SLC35F4: variants seen among roughly 807,000 people sequenced by gnomAD.
The protein encoded by SLC35F4 is solute carrier family 35 member F4.
SLC35F4 carries 24 observed loss-of-function variants against 44.2 expected under a neutral mutation model. That is an observed-to-expected ratio of 0.54 (90% CI 0.39 to 0.76). SLC35F4 has a LOEUF of 0.76. SLC35F4 is among the 30% of genes least tolerant of loss of function. The pLI is 0.00. For missense variants in SLC35F4, 562 were observed against 586.1 expected (o/e 0.96, Z 0.42); for synonymous variants, 238 against 223.6 (o/e 1.06, Z -0.57).
At chr14:57,746,502 A>G (rs2076757528) in intron 1 of SLC35F4, among the ~76,000 whole-genome samples, 1 of 152,168 alleles carries the variant, frequency 6.6e-6, no homozygotes. Flanking sequence ...AAAAACTCCA[A>G]TTGATCATGA....
intron 1 of SLC35F4, among the ~76,000 whole-genome samples, chr14:57,617,291 C>A (rs570112604): frequency 6.6e-6 from 1 of 151,818 alleles, no homozygotes; most frequent in East Asian, 1.9e-4. Context: ...CTACCACATT[C>A]GGCTAACTTT....
At chr14:57,618,801 T>C (rs2072008295) in intron 1 of SLC35F4, among the ~76,000 whole-genome samples, 1 of 152,228 alleles carries the variant, frequency 6.6e-6, no homozygotes, top group Admixed American at 6.5e-5. Context: ...CTTGAAATTC[T>C]TGCTGCCAGC....
intron 1 of SLC35F4, among the ~76,000 whole-genome samples, chr14:57,879,354 G>A (rs959109669): frequency 1.3e-5 from 2 of 151,988 alleles, no homozygotes; most frequent in East Asian, 1.9e-4. Flanking sequence ...CCCTCGAGCT[G>A]AACAACTTAA....
intron 1 of SLC35F4, among the ~76,000 whole-genome samples, chr14:57,978,004 GAGAAA>G (rs1881267991): frequency 6.6e-6 from 1 of 152,116 alleles, no homozygotes; most frequent in Admixed American, 6.6e-5. Flanking sequence ...TGAAAGATTC[GAGAAA>G]AGAAAGTCTG....
At chr14:57,751,219 C>A (rs1349976321) in intron 1 of SLC35F4, among the ~76,000 whole-genome samples, 2 of 152,114 alleles carry the variant, frequency 1.3e-5, no homozygotes, top group African/African-American at 4.8e-5. Context: ...TAATAAGAAG[C>A]AGGGCAAAAC....
chr14:57,851,270 C>G (rs761024300), intron 1 of SLC35F4, among the ~76,000 whole-genome samples: 1 of 152,052 alleles, frequency 6.6e-6, no homozygotes, highest in Non-Finnish European at 1.5e-5. Flanking sequence ...ATTTTGCATA[C>G]ATTATTATGA....
At chr14:57,605,780 A>G (rs1428536540) in intron 1 of SLC35F4, among the ~76,000 whole-genome samples, 1 of 152,194 alleles carries the variant, frequency 6.6e-6, no homozygotes, top group African/African-American at 2.4e-5. Context: ...TTATACAGCC[A>G]CAAAAGAGAA....
intron 1 of SLC35F4, among the ~76,000 whole-genome samples, chr14:57,713,800 T>C (rs2075869692): frequency 6.6e-6 from 1 of 152,178 alleles, no homozygotes; most frequent in African/African-American, 2.4e-5. Context: ...ATCAAATTAA[T>C]GGACATGATT....
At chr14:57,982,325 G>A (rs1316287421), upstream of SLC35F4, 1 of 152,164 alleles carries the variant, frequency 6.6e-6, no homozygotes, top group East Asian at 1.9e-4. Flanking sequence ...ATGATGCCGT[G>A]TGGCTAAAAA....
At chr14:57,656,774 T>C (rs1311169313) in intron 1 of SLC35F4, among the ~76,000 whole-genome samples, 2 of 152,138 alleles carry the variant, frequency 1.3e-5, no homozygotes, top group Non-Finnish European at 2.9e-5. Context: ...CTATTATTAC[T>C]ATCCTTTCTG....
intron 1 of SLC35F4, among the ~76,000 whole-genome samples, chr14:57,610,877 A>T (rs547861498): frequency 1.3e-5 from 2 of 152,358 alleles, no homozygotes; most frequent in South Asian, 4.1e-4. Context: ...CAGTCCTTGG[A>T]AGCTTAAAGT....
At chr14:57,629,495 C>A (rs993395263) in intron 1 of SLC35F4, among the ~76,000 whole-genome samples, 20 of 152,078 alleles carry the variant, frequency 1.3e-4, no homozygotes, top group Non-Finnish European at 1.5e-5. Context: ...CATACAATAT[C>A]TTCCAGAAAA....
chr14:57,961,556 T>C (rs1202112721), intron 1 of SLC35F4, among the ~76,000 whole-genome samples: 8 of 152,220 alleles, frequency 5.3e-5, no homozygotes, highest in Non-Finnish European at 8.8e-5. Context: ...CTGAATGTGA[T>C]TGGGTCCCTT....
chr14:57,769,532 T>C (rs1464417993), intron 1 of SLC35F4, among the ~76,000 whole-genome samples: 2 of 152,182 alleles, frequency 1.3e-5, no homozygotes, highest in Admixed American at 6.5e-5. Flanking sequence ...TAACTATTTA[T>C]TTTAACATTT....
chr14:57,580,495 A>G, intron 4 of SLC35F4: 1 of 381,826 alleles, frequency 2.6e-6, no homozygotes, highest in Non-Finnish European at 5.0e-6. Context: ...GCCGGATTAT[A>G]TGAATGAGAT....
intron 1 of SLC35F4, among the ~76,000 whole-genome samples, chr14:57,748,574 T>G (rs1227323195): frequency 2.6e-5 from 4 of 152,166 alleles, no homozygotes; most frequent in African/African-American, 9.6e-5. Context: ...ATCTGCATTT[T>G]AACAAGATAC....
chr14:57,798,656 G>C (rs1383812844), intron 1 of SLC35F4, among the ~76,000 whole-genome samples: 3 of 152,140 alleles, frequency 2.0e-5, no homozygotes, highest in Non-Finnish European at 4.4e-5. Flanking sequence ...TTTCTCCTAG[G>C]ATCCAGAGGC....
chr14:57,609,589 G>A (rs1230877682), intron 1 of SLC35F4, among the ~76,000 whole-genome samples: 1 of 152,252 alleles, frequency 6.6e-6, no homozygotes, highest in Admixed American at 6.5e-5. Flanking sequence ...AATGCTTAAT[G>A]TGCTGTTGCT....
chr14:57,809,827 G>C (rs1187590193), intron 1 of SLC35F4, among the ~76,000 whole-genome samples: 1 of 152,138 alleles, frequency 6.6e-6, no homozygotes, highest in Non-Finnish European at 1.5e-5. Flanking sequence ...ATCATACCAA[G>C]TCATCTTCCA....
Sources: gnomAD v4.1 joint callset for allele counts (sites outside exome capture counted in the v4.1 genomes callset) on GRCh38, gnomAD v4.1.1 for gene constraint, MANE v1.5 for transcripts, NCBI Gene and HGNC (gene_info 2026-07-23, HGNC 2026-07-21) for gene names.